Variants in CNOT6 observed in about 807,000 individuals in gnomAD.
The protein encoded by CNOT6 is carbon catabolite repression 4 protein.
Under a neutral mutation model 61.2 loss-of-function variants are expected in CNOT6, and 12 were observed. The observed-to-expected ratio is 0.20, with a 90% CI of 0.13 to 0.32. The LOEUF is 0.32. Among genes scored for constraint, CNOT6 ranks in the 10% least tolerant of loss-of-function variants. CNOT6 has a pLI of 1.00. For missense variants in CNOT6, 405 were observed against 663.9 expected (o/e 0.61, Z 4.28); for synonymous variants, 225 against 240.6 (o/e 0.94, Z 0.60).
At chr5:180,520,298 A>G (rs1315559524) in intron 1 of CNOT6, among the ~76,000 whole-genome samples, 1 of 152,206 alleles carries the variant, frequency 6.6e-6, no homozygotes, top group Non-Finnish European at 1.5e-5. Context: ...GGGAATGACT[A>G]ACTGGGGAAT....
chr5:180,536,563 C>G (rs970491716), intron 2 of CNOT6, among the ~76,000 whole-genome samples: 2 of 152,120 alleles, frequency 1.3e-5, no homozygotes, highest in Non-Finnish European at 2.9e-5. Context: ...CTGCCTCAGC[C>G]TCCTGAGTAG....
chr5:180,538,277 G>A (rs1758821957), intron 2 of CNOT6, among the ~76,000 whole-genome samples: 1 of 151,710 alleles, frequency 6.6e-6, no homozygotes, highest in Non-Finnish European at 1.5e-5. Flanking sequence ...CTGACCTCGT[G>A]ATCTGCCTGC....
At chr5:180,508,715 A>G (rs1029550542) in intron 1 of CNOT6, among the ~76,000 whole-genome samples, 9 of 151,842 alleles carry the variant, frequency 5.9e-5, no homozygotes, top group Non-Finnish European at 1.3e-4. Flanking sequence ...CTCAATCTCT[A>G]GAGCTCAAGC....
intron 7 of CNOT6, 148 bp downstream of exon 7, chr5:180,566,125 T>C: frequency 2.7e-6 from 2 of 728,748 alleles, no homozygotes; most frequent in Non-Finnish European, 2.1e-6. Context: ...GAGTACTGCC[T>C]GCTTTGCTTT....
At chr5:180,522,697 G>A (rs1757930837) in intron 1 of CNOT6, among the ~76,000 whole-genome samples, 1 of 152,044 alleles carries the variant, frequency 6.6e-6, no homozygotes, top group African/African-American at 2.4e-5. Context: ...TGCCCACGCT[G>A]GAGTGCAGTG....
In CNOT6 at chr5:180,565,937, A is replaced by G; in HGVS notation, c.677A>G (p.Gln226Arg). Residue 226 changes from glutamine (Q) to arginine (R), a missense_variant, in exon 7 of 12, where the codon CAA (glutamine) becomes CGA (arginine). This residue lies in a region of CNOT6 where 212 missense variants were observed against 307.1 expected (regional missense o/e 0.69). Coordinates refer to ENST00000261951, the MANE Select transcript of CNOT6 (RefSeq NM_001370472.1). The stretch of plus-strand genomic sequence containing the variant: ...GACTACAGGAAAAAGGCCATTATTC[A>G]AGAAATCTTGAGCTGCAATGCTGAT... ...NWDYRKKAII[Q>R]EILSCNADIV... 1.9e-6 allele frequency: 3 copies of G among 1,614,022 alleles called. No homozygotes were observed. Among genetic ancestry groups the G allele is most frequent in the Non-Finnish European group, 2.5e-6 (3 of 1,179,912 alleles).
Position 180,550,012 on chromosome 5 carries a change from GA to G in CNOT6, c.196del (p.Ile66PhefsTer39). The G allele has an allele frequency of 6.2e-7, 1 of 1,613,956 alleles. No individual in the cohort carries two copies. Among genetic ancestry groups the G allele is most frequent in the African/African-American group, 1.3e-5 (1 of 74,980 alleles). ...CATTTGAGTGACAATTCCCTGTCCC[GA>G]ATTCCTTCAGACATTGCCAAGCTTC... is the stretch of plus-strand genomic sequence containing the variant. ...ALHLSDNSLS[R>X]IPSDIAKLHN... On this transcript the variant is annotated frameshift_variant, in exon 3 of 12. Transcript: ENST00000261951. LOFTEE classifies it high-confidence loss of function.
intron 2 of CNOT6, among the ~76,000 whole-genome samples, chr5:180,546,519 A>G (rs908347323): frequency 2.0e-5 from 3 of 152,196 alleles, no homozygotes; most frequent in African/African-American, 7.2e-5. Flanking sequence ...GCCCAACAGT[A>G]CACTTTTGTT....
chr5:180,561,516 T>C (rs1316858313), intron 4 of CNOT6, among the ~76,000 whole-genome samples: 5 of 152,192 alleles, frequency 3.3e-5, no homozygotes, highest in African/African-American at 9.7e-5. Context: ...GCATTTGATA[T>C]CTTCGTGTCT....
Position 180,529,300 on chromosome 5 carries a change from C to T in CNOT6, c.24C>T (p.Pro8=), listed in dbSNP as rs761090041. 1 of 1,612,664 alleles carries T rather than the reference C, an allele frequency of 6.2e-7. No homozygotes were observed. Among genetic ancestry groups the T allele is most frequent in the Non-Finnish European group, 8.5e-7 (1 of 1,178,988 alleles). Residue 8 remains proline (P), a synonymous_variant, in exon 2 of 12, where the codon CCC becomes CCT. Transcript: ENST00000261951. MPKEKYE[P]PDPRRMYTIM... ...GCATGCCCAAAGAAAAATACGAGCCCCCTGACCCTCGGAGGATGTATACAA... is the reference window on the plus strand; with the variant it reads ...GCATGCCCAAAGAAAAATACGAGCCTCCTGACCCTCGGAGGATGTATACAA...
At chr5:180,563,933 A>AT (rs35159864) in intron 4 of CNOT6, among the ~76,000 whole-genome samples, 25,573 of 152,012 alleles carry the variant, frequency 0.17, 2,260 homozygotes, top group Non-Finnish European at 0.19. Flanking sequence ...TGGCCCTGGG[A>AT]TTTTTTCCCC....
intron 2 of CNOT6, among the ~76,000 whole-genome samples, chr5:180,541,836 A>G (rs548496684): frequency 8.0e-5 from 12 of 149,674 alleles, no homozygotes; most frequent in Non-Finnish European, 1.6e-4. Flanking sequence ...TAGTGGCACT[A>G]TCCGGCCAGA....
intron 10 of CNOT6, 57 bp from the exon 11 acceptor site, chr5:180,571,173 C>G (rs947761290): frequency 1.3e-5 from 16 of 1,229,312 alleles, no homozygotes; most frequent in African/African-American, 9.2e-5. Flanking sequence ...ATTGCATGAT[C>G]TTTTAAAATT....
At chr5:180,573,126 G>C (rs897442302) in intron 11 of CNOT6, among the ~76,000 whole-genome samples, 1 of 152,156 alleles carries the variant, frequency 6.6e-6, no homozygotes, top group African/African-American at 2.4e-5. Flanking sequence ...AATGCTTAGC[G>C]TTTTCTTTCT....
At chr5:180,559,865 T>C (rs938715392) in intron 4 of CNOT6, among the ~76,000 whole-genome samples, 1 of 152,124 alleles carries the variant, frequency 6.6e-6, no homozygotes, top group Non-Finnish European at 1.5e-5. Context: ...AAACCTTAGC[T>C]CTCTTTACAT....
chr5:180,531,764 C>G (rs1428026722), intron 2 of CNOT6, among the ~76,000 whole-genome samples: 1 of 152,242 alleles, frequency 6.6e-6, no homozygotes, highest in Non-Finnish European at 1.5e-5. Context: ...AGGCAGATCA[C>G]TCGGGGTCAG....
chr5:180,540,426 T>A (rs565434324), intron 2 of CNOT6, among the ~76,000 whole-genome samples: 1 of 152,246 alleles, frequency 6.6e-6, no homozygotes, highest in Non-Finnish European at 1.5e-5. Flanking sequence ...TGGCTCACGA[T>A]GGTTCGCCTT....
At chr5:180,515,555 A>T (rs996343277) in intron 1 of CNOT6, among the ~76,000 whole-genome samples, 3 of 152,216 alleles carry the variant, frequency 2.0e-5, no homozygotes, top group Admixed American at 6.5e-5. Context: ...GAGCAGGTGC[A>T]TATGAGGAAG....
chr5:180,529,441 A>G (rs1173595208), intron 2 of CNOT6, 53 bp downstream of exon 2: 2 of 1,072,348 alleles, frequency 1.9e-6, no homozygotes, highest in Non-Finnish European at 2.8e-6. Flanking sequence ...ATGGTAGTAA[A>G]CTGAGTTTTC....
Sources: gnomAD v4.1 joint callset for allele counts (sites outside exome capture counted in the v4.1 genomes callset) on GRCh38, gnomAD v4.1.1 for gene constraint, gnomAD v4.1.1 regional missense constraint, MANE v1.5 for transcripts, NCBI Gene and HGNC (gene_info 2026-07-23, HGNC 2026-07-21) for gene names.